Variants in RABGAP1L observed in about 807,000 individuals in gnomAD.
RABGAP1L encodes the protein rab GTPase-activating protein 1-like.
A neutral mutation model predicts 137.7 loss-of-function variants in RABGAP1L; 63 were observed. That is an observed-to-expected ratio of 0.46 (90% CI 0.37 to 0.56). The LOEUF is 0.56. RABGAP1L is among the 20% of genes least tolerant of loss of function. The pLI, the probability that RABGAP1L is intolerant of heterozygous loss-of-function variation, is 0.00. For missense variants in RABGAP1L, 1,095 were observed against 1,244.0 expected, an observed-to-expected ratio of 0.88 and a Z score of 1.80; for synonymous variants, 431 against 433.7, an observed-to-expected ratio of 0.99 and a Z score of 0.08.
At chr1:174,890,615 C>T (rs926945257) in intron 19 of RABGAP1L, among the ~76,000 whole-genome samples, 2 of 152,114 alleles carry the variant, frequency 1.3e-5, no homozygotes, top group Non-Finnish European at 2.9e-5. Flanking sequence ...GTGAAGTTAC[C>T]TACCCATTCC....
chr1:174,848,641 CA>C (rs1647522531), intron 19 of RABGAP1L, among the ~76,000 whole-genome samples: 1 of 143,538 alleles, frequency 7.0e-6, no homozygotes, highest in African/African-American at 2.6e-5. Context: ...AGCTGTCAGA[CA>C]GGGACATTTA....
intron 13 of RABGAP1L, among the ~76,000 whole-genome samples, chr1:174,434,136 CA>C (rs1489805188): frequency 4.0e-5 from 6 of 151,888 alleles, no homozygotes; most frequent in Non-Finnish European, 8.8e-5. Flanking sequence ...CACACACACA[CA>C]CACACACACA....
intron 7 of RABGAP1L, among the ~76,000 whole-genome samples, chr1:174,271,492 G>A (rs1674554889): frequency 6.6e-6 from 1 of 151,970 alleles, no homozygotes; most frequent in African/African-American, 2.4e-5. Flanking sequence ...TTGAAGTTTT[G>A]GGAAACTACA....
intron 12 of RABGAP1L, 40 bp downstream of exon 12, chr1:174,371,112 A>G (rs1558175023): frequency 8.8e-7 from 1 of 1,135,520 alleles, no homozygotes; most frequent in South Asian, 1.8e-5. Context: ...CTATATTTAC[A>G]TAGTTGATGT....
intron 17 of RABGAP1L, among the ~76,000 whole-genome samples, chr1:174,741,008 G>A (rs1209258046): frequency 6.7e-6 from 1 of 149,900 alleles, no homozygotes; most frequent in African/African-American, 2.4e-5. Context: ...ATCCCATTCT[G>A]CAGGTTGTCT....
At chr1:174,932,915 A>G (rs1664083554) in intron 19 of RABGAP1L, among the ~76,000 whole-genome samples, 1 of 152,170 alleles carries the variant, frequency 6.6e-6, no homozygotes, top group African/African-American at 2.4e-5. Flanking sequence ...TGCTGGCACT[A>G]GCCCTAGAAT....
chr1:174,249,320 C>T lies in RABGAP1L; in HGVS notation c.718-1155C>T, dbSNP rs542973041. On this transcript the variant is annotated intron_variant, in intron 5 of 25. Coordinates refer to ENST00000681986, the MANE Select transcript of RABGAP1L (RefSeq NM_001366446.1). Reference sequence around the variant, plus strand: ...ACTGTATTGCTAAAGCCAGTATTTGCCTTATTCTATGGTTCTGTATCTAGC... The same window carrying T: ...ACTGTATTGCTAAAGCCAGTATTTGTCTTATTCTATGGTTCTGTATCTAGC... Among the ~76,000 whole-genome samples, 14 of 152,174 alleles carry T rather than the reference C, an allele frequency of 9.2e-5. No individual in the cohort carries two copies. In the South Asian group the frequency reaches 2.9e-3, roughly 32 times the overall value.
chr1:174,219,785 C>T (rs1487055804), intron 2 of RABGAP1L, among the ~76,000 whole-genome samples: 1 of 152,066 alleles, frequency 6.6e-6, no homozygotes, highest in African/African-American at 2.4e-5. Flanking sequence ...TAGATATGGT[C>T]CCTTTTTCAC....
At chr1:174,185,959 C>A (rs1666768062) in intron 1 of RABGAP1L, among the ~76,000 whole-genome samples, 1 of 152,078 alleles carries the variant, frequency 6.6e-6, no homozygotes, top group African/African-American at 2.4e-5. Flanking sequence ...GCCTGACCAA[C>A]ATGGAGAAAC....
At chr1:174,493,101 C>T (rs1017169502) in intron 13 of RABGAP1L, among the ~76,000 whole-genome samples, 2 of 150,166 alleles carry the variant, frequency 1.3e-5, no homozygotes, top group Admixed American at 6.7e-5. Flanking sequence ...TGACTCACAC[C>T]TGTAATCTCG....
At chr1:174,587,626 A>AATAAATAATAATAAATAAT (rs1669224723) in intron 13 of RABGAP1L, among the ~76,000 whole-genome samples, 1 of 152,100 alleles carries the variant, frequency 6.6e-6, no homozygotes, top group Admixed American at 6.6e-5. Flanking sequence ...AAATGCAATT[A>AATAAATAATAATAAATAAT]AAAGAATAAA....
At chr1:174,884,770 A>G (rs1407877169) in intron 19 of RABGAP1L, among the ~76,000 whole-genome samples, 2 of 152,236 alleles carry the variant, frequency 1.3e-5, no homozygotes, top group Non-Finnish European at 2.9e-5. Context: ...ATCTCTTGCC[A>G]TCTAATTAAA....
chr1:174,797,637 G>GGGGGTGTGTGGGGAGTGTGTGT (rs1192891949), intron 18 of RABGAP1L, among the ~76,000 whole-genome samples: 45 of 130,528 alleles, frequency 3.4e-4, no homozygotes, highest in Non-Finnish European at 7.0e-4. Flanking sequence ...GGGTGTGTGG[G>GGGGGTGTGTGGGGAGTGTGTGT]GGGGTGTGTG....
intron 11 of RABGAP1L, among the ~76,000 whole-genome samples, chr1:174,307,625 T>A (rs1678420128): frequency 6.6e-6 from 1 of 152,296 alleles, no homozygotes; most frequent in South Asian, 2.1e-4. Context: ...TCATCTACAT[T>A]GATACATGAT....
At chr1:174,564,529 T>A (rs965211940) in intron 13 of RABGAP1L, among the ~76,000 whole-genome samples, 1 of 152,204 alleles carries the variant, frequency 6.6e-6, no homozygotes, top group Non-Finnish European at 1.5e-5. Flanking sequence ...CTCACACATC[T>A]GGCAAAGTAG....
intron 13 of RABGAP1L, chr1:174,548,320 A>G: frequency 6.6e-6 from 8 of 1,208,688 alleles, no homozygotes; most frequent in Non-Finnish European, 8.3e-6. Flanking sequence ...TCCATTTGTA[A>G]AATGATAGTT....
chr1:174,438,611 G>T (rs1207866929), intron 13 of RABGAP1L, among the ~76,000 whole-genome samples: 1 of 151,190 alleles, frequency 6.6e-6, no homozygotes, highest in Non-Finnish European at 1.5e-5. Context: ...CCAGCTACTT[G>T]GGAGGCTGAG....
At chr1:174,337,275 C>T (rs554433913) in intron 11 of RABGAP1L, among the ~76,000 whole-genome samples, 1 of 152,176 alleles carries the variant, frequency 6.6e-6, no homozygotes, top group Admixed American at 6.5e-5. Flanking sequence ...GAATTCATTT[C>T]GTTGCGGCTT....
intron 11 of RABGAP1L, among the ~76,000 whole-genome samples, chr1:174,343,032 C>A (rs1211703258): frequency 6.6e-6 from 1 of 151,210 alleles, no homozygotes; most frequent in Non-Finnish European, 1.5e-5. Context: ...AGCCACTGCA[C>A]CTAGCCAGAA....
Sources: gnomAD v4.1 joint callset for allele counts (sites outside exome capture counted in the v4.1 genomes callset) on GRCh38, gnomAD v4.1.1 for gene constraint, MANE v1.5 for transcripts, NCBI Gene and HGNC (gene_info 2026-07-23, HGNC 2026-07-21) for gene names.